Variants in SYT2 observed in about 807,000 individuals in gnomAD.
The protein encoded by SYT2 is synaptotagmin-2.
SYT2 carries 15 observed loss-of-function variants against 39.9 expected under a neutral mutation model. The ratio of observed to expected loss-of-function variants is 0.38; its 90% CI spans 0.25 to 0.58. The LOEUF is 0.58. SYT2 is among the 20% of genes least tolerant of loss of function. The pLI, the probability that SYT2 is intolerant of heterozygous loss-of-function variation, is 0.70. For synonymous variants in SYT2, 181 were observed against 204.5 expected, an observed-to-expected ratio of 0.89 and a Z score of 0.98; for missense variants, 389 against 530.3, an observed-to-expected ratio of 0.73 and a Z score of 2.62.
chr1:202,627,369 C>T (rs2149088277), intron 1 of SYT2: 1 of 835,546 alleles, frequency 1.2e-6, no homozygotes, highest in Non-Finnish European at 1.4e-6. Flanking sequence ...GGGGATCTCA[C>T]CAGGAACTGC....
In SYT2 at chr1:202,605,788, A is replaced by G; in HGVS notation, c.-16T>C. ...TGTTCCTCATGGTGGCAGAGGAAAC[A>G]GCTGGGGACGAGAGGTGAAGAGGGC... On this transcript the variant is annotated splice_region_variant and 5_prime_UTR_variant, in exon 2 of 9. Coordinates refer to ENST00000367268, the MANE Select transcript of SYT2 (RefSeq NM_177402.5). 2 of 1,613,000 alleles carry G rather than the reference A, an allele frequency of 1.2e-6. No homozygotes were observed. Among genetic ancestry groups the G allele is most frequent in the South Asian group, 2.2e-5 (2 of 91,034 alleles).
chr1:202,644,078 G>C (rs568213984), intron 1 of SYT2, among the ~76,000 whole-genome samples: 1 of 152,334 alleles, frequency 6.6e-6, no homozygotes, highest in African/African-American at 2.4e-5. Context: ...TGGAGGGGAA[G>C]GGGAGCTGGG....
At chr1:202,696,471 T>C (rs1653976406) in intron 1 of SYT2, among the ~76,000 whole-genome samples, 1 of 144,070 alleles carries the variant, frequency 6.9e-6, no homozygotes, top group Admixed American at 6.8e-5. Flanking sequence ...CCAATGATCA[T>C]AATTGTAATT....
intron 7 of SYT2, among the ~76,000 whole-genome samples, chr1:202,600,019 C>T (rs984005760): frequency 1.3e-5 from 2 of 152,198 alleles, no homozygotes; most frequent in Admixed American, 6.5e-5. Flanking sequence ...AAACATGTCT[C>T]GATTGTGGTG....
chr1:202,640,784 GAGAGAGAGAC>G (rs1558443954), intron 1 of SYT2, among the ~76,000 whole-genome samples: 121 of 128,228 alleles, frequency 9.4e-4, no homozygotes, highest in East Asian at 3.7e-3. Context: ...GAGAGAGAGA[GAGAGAGAGAC>G]AGACAGACAG....
At chr1:202,620,692 A>G (rs569742372) in intron 1 of SYT2, among the ~76,000 whole-genome samples, 1 of 152,242 alleles carries the variant, frequency 6.6e-6, no homozygotes, top group South Asian at 2.1e-4. Context: ...AGATATGCTC[A>G]GAGCTCAGCC....
intron 1 of SYT2, among the ~76,000 whole-genome samples, chr1:202,622,212 TTA>T (rs1322525953): frequency 6.6e-6 from 1 of 152,212 alleles, no homozygotes; most frequent in Non-Finnish European, 1.5e-5. Flanking sequence ...ATATATGTCT[TTA>T]TGTTTTGCAC....
At chr1:202,632,554 G>T (rs1691623637) in intron 1 of SYT2, 36 of 985,388 alleles carry the variant, frequency 3.7e-5, no homozygotes, top group South Asian at 9.4e-5. Context: ...GTCAGACCCT[G>T]TTCTGTCGAT....
chr1:202,681,284 C>G (rs1653518901), intron 1 of SYT2, among the ~76,000 whole-genome samples: 1 of 152,174 alleles, frequency 6.6e-6, no homozygotes, highest in South Asian at 2.1e-4. Context: ...TCCAAACTGC[C>G]CCAGAGGTGA....
Position 202,596,308 on chromosome 1 carries a change from T to TACACACAC in SYT2, c.*441_*448dup, listed in dbSNP as rs60259163. ...ACACACACACACACACACACACACA[T>TACACACAC]ACACACACACACACACACACACACA... On this transcript the variant is annotated 3_prime_UTR_variant, in exon 9 of 9. Transcript: ENST00000367268. 1.7e-3 allele frequency: 151 copies of TACACACAC among 88,002 alleles called. 1 individual carries two copies. Among genetic ancestry groups the TACACACAC allele is most frequent in the South Asian group, 7.1e-3 (15 of 2,100 alleles). The allele number at this position is 88,002 out of a possible 1,614,324, so 5.5% of individuals were successfully genotyped here.
intron 1 of SYT2, among the ~76,000 whole-genome samples, chr1:202,667,509 G>A (rs1400902738): frequency 1.6e-5 from 2 of 123,260 alleles, no homozygotes; most frequent in African/African-American, 5.5e-5. Flanking sequence ...GTGTGTGTGT[G>A]TGTGTACCTT....
At chr1:202,688,889 C>T (rs771091592) in intron 1 of SYT2, among the ~76,000 whole-genome samples, 9 of 152,058 alleles carry the variant, frequency 5.9e-5, no homozygotes, top group Non-Finnish European at 4.4e-5. Context: ...CGGATGGTGA[C>T]GGGAGTCACA....
chr1:202,708,663 C>T (rs3923371), intron 1 of SYT2, among the ~76,000 whole-genome samples: 48,314 of 151,966 alleles, frequency 0.32, 8,186 homozygotes, highest in South Asian at 0.43. Context: ...CTGACTCACC[C>T]CCAGGGCCCT....
chr1:202,627,798 C>A (rs541662519), intron 1 of SYT2, among the ~76,000 whole-genome samples: 1 of 152,320 alleles, frequency 6.6e-6, no homozygotes, highest in South Asian at 2.1e-4. Flanking sequence ...ATGCTAAGTG[C>A]TGGGAATACA....
At chr1:202,630,871 T>C (rs768601716) in intron 1 of SYT2, among the ~76,000 whole-genome samples, 4 of 152,228 alleles carry the variant, frequency 2.6e-5, no homozygotes, top group Non-Finnish European at 5.9e-5. Flanking sequence ...CTCCCTGCTC[T>C]GGGCCAGAGG....
chr1:202,644,640 G>T (rs570315908), intron 1 of SYT2, among the ~76,000 whole-genome samples: 55 of 152,006 alleles, frequency 3.6e-4, no homozygotes, highest in African/African-American at 1.3e-3. Flanking sequence ...GCACACTCAG[G>T]ACCAGGACTC....
At chr1:202,617,160 C>A (rs1005312851) in intron 1 of SYT2, among the ~76,000 whole-genome samples, 1 of 152,230 alleles carries the variant, frequency 6.6e-6, no homozygotes, top group African/African-American at 2.4e-5. Flanking sequence ...CACTGTATTA[C>A]CCTCTTCGGG....
At chr1:202,683,285 A>G (rs1239611927) in intron 1 of SYT2, among the ~76,000 whole-genome samples, 1 of 152,240 alleles carries the variant, frequency 6.6e-6, no homozygotes, top group African/African-American at 2.4e-5. Flanking sequence ...ACAACCCCAG[A>G]CTGGAAACAA....
chr1:202,634,586 T>C (rs982758441), intron 1 of SYT2, among the ~76,000 whole-genome samples: 1 of 152,208 alleles, frequency 6.6e-6, no homozygotes, highest in South Asian at 2.1e-4. Flanking sequence ...CCACAAATGT[T>C]GATAGCAGCA....
Sources: gnomAD v4.1 joint callset for allele counts (sites outside exome capture counted in the v4.1 genomes callset) on GRCh38, gnomAD v4.1.1 for gene constraint, MANE v1.5 for transcripts, NCBI Gene and HGNC (gene_info 2026-07-23, HGNC 2026-07-21) for gene names.